The following SPATA18 variants were observed in gnomAD, a reference collection of about 807,000 sequenced individuals.
SPATA18 encodes mitochondria-eating protein.
In SPATA18, 54 loss-of-function variants were observed where a neutral mutation model predicts 68.1. The observed-to-expected ratio is 0.79, with a 90% confidence interval of 0.64 to 0.99. The LOEUF (loss-of-function observed/expected upper bound fraction) is 0.99, where lower values mean the gene tolerates loss of function less well. SPATA18 is among the 50% of genes least tolerant of loss of function. The pLI is 0.00. For missense variants in SPATA18, 724 were observed against 681.1 expected, an observed-to-expected ratio of 1.06 and a Z score of -0.70; for synonymous variants, 242 against 244.8, an observed-to-expected ratio of 0.99 and a Z score of 0.11.
In SPATA18 at chr4:52,060,488, C is replaced by A; in HGVS notation, c.157C>A (p.Gln53Lys). 1 of 1,614,000 alleles carries A rather than the reference C, an allele frequency of 6.2e-7. No homozygotes were observed. Among genetic ancestry groups the A allele is most frequent in the Non-Finnish European group, 8.5e-7 (1 of 1,179,960 alleles). ...TGAGCAAGTTGCCAAGGTGCAGGGA[C>A]AACTCTTTGGGATCCTCACAGCAGC... ...LIEQVAKVQGQLFGILTAAAQ... is the reference protein window; with the variant it reads ...LIEQVAKVQGKLFGILTAAAQ... Residue 53 changes from glutamine to lysine, a missense_variant, in exon 2 of 13, where the codon CAA becomes AAA. Transcript: ENST00000295213.
chr4:52,088,973 C>G (rs1390968023), intron 11 of SPATA18, among the ~76,000 whole-genome samples: 2 of 152,126 alleles, frequency 1.3e-5, no homozygotes, highest in East Asian at 1.9e-4. Flanking sequence ...TGTTATTGGT[C>G]TATTCAGGGA....
At chr4:52,055,996 A>G (rs190094534) in intron 1 of SPATA18, among the ~76,000 whole-genome samples, 6 of 152,276 alleles carry the variant, frequency 3.9e-5, no homozygotes, top group Admixed American at 6.5e-5. Context: ...TCTTGAAACC[A>G]TCTGCTTCTT....
At chr4:52,051,861 T>C in intron 1 of SPATA18, 70 bp downstream of exon 1, 2 of 1,452,324 alleles carry the variant, frequency 1.4e-6, no homozygotes, top group Non-Finnish European at 1.9e-6. Flanking sequence ...GTCGGGGATT[T>C]CTTAGGGCTG....
At chr4:52,094,637 AC>A in intron 12 of SPATA18, 65 bp downstream of exon 12, 2 of 1,490,890 alleles carry the variant, frequency 1.3e-6, no homozygotes, top group African/African-American at 2.8e-5. Flanking sequence ...AGTACTTAGC[AC>A]TGAGCAGCAA....
intron 5 of SPATA18, among the ~76,000 whole-genome samples, chr4:52,070,881 G>GGA (rs1491472667): frequency 5.0e-5 from 2 of 39,868 alleles, no homozygotes; most frequent in African/African-American, 2.7e-4. Context: ...AAGAGTAAGT[G>GGA]GGGGGGGGGG....
chr4:52,085,719 C>T (rs141460074), intron 11 of SPATA18, among the ~76,000 whole-genome samples: 108 of 151,952 alleles, frequency 7.1e-4, no homozygotes, highest in Admixed American at 1.8e-3. Context: ...CAAAAATCCT[C>T]CCCCAAATTA....
chr4:52,067,212 A>C (rs1186580315), intron 4 of SPATA18, among the ~76,000 whole-genome samples: 1 of 152,078 alleles, frequency 6.6e-6, no homozygotes, highest in African/African-American at 2.4e-5. Context: ...ATGAGATGGT[A>C]TCTCATTGTG....
At chr4:52,059,237 T>C (rs1738620014) in intron 1 of SPATA18, among the ~76,000 whole-genome samples, 1 of 152,236 alleles carries the variant, frequency 6.6e-6, no homozygotes, top group South Asian at 2.1e-4. Flanking sequence ...CTTACTCCAC[T>C]CCTAGTTTCT....
intron 6 of SPATA18, among the ~76,000 whole-genome samples, chr4:52,073,715 G>A (rs931882933): frequency 6.6e-6 from 1 of 152,208 alleles, no homozygotes; most frequent in African/African-American, 2.4e-5. Context: ...AAGCTGCAGT[G>A]AGCTATGATT....
chr4:52,083,141 G>A (rs566669497), intron 10 of SPATA18: 24 of 985,376 alleles, frequency 2.4e-5, no homozygotes, highest in East Asian at 2.3e-4. Flanking sequence ...GGGTGTGTAC[G>A]TGTTGTACTG....
chr4:52,094,099 C>T (rs1273825308), intron 11 of SPATA18, among the ~76,000 whole-genome samples: 1 of 152,042 alleles, frequency 6.6e-6, no homozygotes, highest in Non-Finnish European at 1.5e-5. Flanking sequence ...CGGTGCAGTA[C>T]CTTCTACTTA....
intron 6 of SPATA18, among the ~76,000 whole-genome samples, chr4:52,076,477 T>C (rs1740351952): frequency 6.6e-6 from 1 of 152,154 alleles, no homozygotes. Context: ...TTTGATGTAT[T>C]AGGGATTACA....
rs190893340 is a variant in SPATA18 at position 52,087,406 on chromosome 4, C to T, written c.1563+2407C>T. Among the ~76,000 whole-genome samples the T allele has an allele frequency of 3.0e-3, 456 of 152,226 alleles. 3 individuals are homozygous for T. The highest frequency in any genetic ancestry group is 0.01 in the African/African-American group (428 of 41,548). On this transcript the variant is annotated intron_variant, in intron 11 of 12. Transcript: ENST00000295213. ...AGGATTTTTATGGTCCTAGGTCTTA[C>T]ATTTAAGTCTTTGGTCCATCTTGAG...
intron 4 of SPATA18, among the ~76,000 whole-genome samples, chr4:52,064,434 C>T (rs962247388): frequency 1.3e-5 from 2 of 152,140 alleles, no homozygotes; most frequent in Admixed American, 6.6e-5. Context: ...CTCCTCCTTC[C>T]TTTCCCTCCA....
intron 11 of SPATA18, among the ~76,000 whole-genome samples, chr4:52,085,755 C>G (rs970847947): frequency 4.0e-5 from 6 of 151,710 alleles, no homozygotes; most frequent in Non-Finnish European, 8.8e-5. Flanking sequence ...AAATTCCCCC[C>G]CAAATTAGCC....
At chr4:52,061,683 G>A (rs997281635) in intron 3 of SPATA18, among the ~76,000 whole-genome samples, 22 of 151,992 alleles carry the variant, frequency 1.4e-4, no homozygotes, top group Non-Finnish European at 2.9e-4. Flanking sequence ...GCTGAATGGA[G>A]ACAATGGTTT....
intron 5 of SPATA18, among the ~76,000 whole-genome samples, 164 bp from the exon 6 acceptor site, chr4:52,071,753 T>C (rs1389129763): frequency 6.6e-6 from 1 of 152,180 alleles, no homozygotes; most frequent in Non-Finnish European, 1.5e-5. Context: ...TGCTAATTTG[T>C]TCATTCATGT....
rs1002689070 is a variant in SPATA18 at position 52,094,475 on chromosome 4, C to A, written c.1564-52C>A. 17 of 1,564,152 alleles carry A rather than the reference C, an allele frequency of 1.1e-5. No individual in the cohort carries two copies. The African/African-American group carries it at 2.2e-4, about 20-fold the overall frequency. ...AAAAAAATATGTCAAAAGAATTCAT[C>A]CTTTGAGCTCCGTCTACTATGTAAT... On this transcript the variant is annotated intron_variant, in intron 11 of 12. Transcript: ENST00000295213.
At chr4:52,080,523 G>T (rs571927331) in intron 9 of SPATA18, among the ~76,000 whole-genome samples, 2 of 152,212 alleles carry the variant, frequency 1.3e-5, no homozygotes, top group East Asian at 3.9e-4. Flanking sequence ...ACATTGTATT[G>T]TGATTTCTTG....
Sources: allele counts gnomAD v4.1 joint callset (sites outside exome capture counted in the v4.1 genomes callset), GRCh38; gene constraint gnomAD v4.1.1; transcripts MANE v1.5; gene names NCBI Gene and HGNC (gene_info 2026-07-23, HGNC 2026-07-21).